The following CFAP57 variants were observed in gnomAD, a reference collection of about 807,000 sequenced individuals.
CFAP57 encodes cilia- and flagella-associated protein 57.
A neutral mutation model predicts 146.8 loss-of-function variants in CFAP57; 116 were observed. The observed-to-expected ratio is 0.79, with a 90% CI of 0.68 to 0.92. The LOEUF is 0.92. Among genes scored for constraint, CFAP57 ranks in the 40% least tolerant of loss-of-function variants. CFAP57 has a pLI of 0.00. For missense variants in CFAP57, 1,377 were observed against 1,527.2 expected, an observed-to-expected ratio of 0.90 and a Z score of 1.64; for synonymous variants, 518 against 552.8, an observed-to-expected ratio of 0.94 and a Z score of 0.88.
chr1:43,222,598 C>T (rs986923709), intron 15 of CFAP57, among the ~76,000 whole-genome samples: 2 of 152,098 alleles, frequency 1.3e-5, no homozygotes, highest in Non-Finnish European at 2.9e-5. Flanking sequence ...AGTGGTGGAG[C>T]ATGAGGCCTG....
chr1:43,245,167 G>A (rs927533955), intron 22 of CFAP57, among the ~76,000 whole-genome samples: 4 of 151,870 alleles, frequency 2.6e-5, no homozygotes, highest in African/African-American at 9.7e-5. Context: ...AAATCAGCCG[G>A]GCATGATGGC....
chr1:43,236,148 G>A (rs1356343983), intron 21 of CFAP57, among the ~76,000 whole-genome samples: 1 of 151,960 alleles, frequency 6.6e-6, no homozygotes, highest in Non-Finnish European at 1.5e-5. Flanking sequence ...ATGAAGTCCC[G>A]GGAAGAACAT....
intron 3 of CFAP57, 41 bp from the exon 4 acceptor site, chr1:43,183,550 G>A (rs773093616): frequency 1.3e-6 from 2 of 1,570,054 alleles, no homozygotes; most frequent in East Asian, 2.2e-5. Context: ...ATCAAGAATA[G>A]TTTCATAAAT....
intron 22 of CFAP57, among the ~76,000 whole-genome samples, chr1:43,244,015 G>A (rs1431342538): frequency 1.3e-5 from 2 of 152,154 alleles, no homozygotes; most frequent in African/African-American, 2.4e-5. Context: ...AGAAACAAAC[G>A]TTTCCCTGGC....
chr1:43,215,345 G>T lies in CFAP57; in HGVS notation c.2020G>T (p.Gly674Ter), dbSNP rs767245878. 2.6e-6 allele frequency: 4 copies of T among 1,551,240 alleles called. No individual in the cohort carries two copies. Among genetic ancestry groups the T allele is most frequent in the Non-Finnish European group, 3.5e-6 (4 of 1,147,122 alleles). Residue 674 changes from glycine to a stop codon, truncating the protein, a stop_gained, in exon 12 of 23, where the codon GGA becomes TGA. Transcript: ENST00000372492. LOFTEE classifies it high-confidence loss of function. The stretch of plus-strand genomic sequence containing the variant: ...GAAGGTCTTTGATAAGGATGGCCGG[G>T]GAATCAAGCGAGAGAGGGAGGTGGG... ...TWKVFDKDGRGIKREREVGFA... is the reference protein window; with the variant it reads ...TWKVFDKDGR
chr1:43,194,125 A>G (rs1482237104), intron 6 of CFAP57, among the ~76,000 whole-genome samples: 1 of 152,122 alleles, frequency 6.6e-6, no homozygotes, highest in Non-Finnish European at 1.5e-5. Flanking sequence ...GATTTCCTTT[A>G]GTATTTTCTG....
At chr1:43,183,377 T>C (rs1032895717) in intron 3 of CFAP57, among the ~76,000 whole-genome samples, 1 of 152,198 alleles carries the variant, frequency 6.6e-6, no homozygotes, top group African/African-American at 2.4e-5. Flanking sequence ...TTTGTAGATT[T>C]CCTAGTTTGA....
In CFAP57 at chr1:43,229,570, T is replaced by A. The variant is rs566090841; in HGVS notation, c.3009+2444T>A. On this transcript the variant is annotated intron_variant, in intron 18 of 22. Transcript: ENST00000372492. ...TCATTTGTAGAGCTGCAACTTCTAA[T>A]AACACTTCCTGATTCAGGTACCCGC... is the stretch of plus-strand genomic sequence containing the variant. Among the ~76,000 whole-genome samples, 10 of 148,846 alleles carry A rather than the reference T, an allele frequency of 6.7e-5. 2 individuals carry two copies. In the East Asian group the frequency reaches 2.1e-3, roughly 31 times the overall value.
chr1:43,230,851 C>T (rs1427647146), intron 18 of CFAP57, among the ~76,000 whole-genome samples: 1 of 152,194 alleles, frequency 6.6e-6, no homozygotes, highest in Non-Finnish European at 1.5e-5. Context: ...AGACCTGAGG[C>T]CTCTTGAAGG....
rs1204309067 is a variant in CFAP57, at chr1:43,222,940, G to C, written c.2649G>C (p.Arg883=). ...DIKTKYEKKL[R]DEKESNLRLK... ...AAACCAAGTATGAGAAAAAGCTTCG[G>C]GATGAAAAGGAATCAAACCTGCGGC... The change falls in exon 16 of 23, where the codon CGG becomes CGC. Residue 883 remains arginine, a synonymous_variant. Transcript: ENST00000372492. The C allele has an allele frequency of 6.4e-7, 1 of 1,550,512 alleles. No individual in the cohort carries two copies.
intron 22 of CFAP57, among the ~76,000 whole-genome samples, chr1:43,244,737 T>C (rs777820281): frequency 5.3e-5 from 8 of 151,870 alleles, no homozygotes; most frequent in Non-Finnish European, 1.2e-4. Context: ...ACCCCGTCTC[T>C]ACTAAAAATA....
rs921737096 is a variant in CFAP57 at position 43,232,722 on chromosome 1, G to C, written c.3126+98G>C. 5.2e-6 allele frequency: 4 copies of C among 771,112 alleles called. No homozygotes were observed. The African/African-American group carries it at 7.0e-5, about 14-fold the overall frequency. The allele number at this position is 771,112 out of a possible 1,614,324, so 47.8% of individuals were successfully genotyped here. ...CCAAGAGGCAGAGCCAGCCCACTGC[G>C]AGGATATGTTTCCCATTTTAACTCA... On this transcript the variant is annotated intron_variant, in intron 19 of 22. Coordinates refer to ENST00000372492, the MANE Select transcript of CFAP57 (RefSeq NM_001378189.1).
chr1:43,215,207 C>T (rs1357983631), intron 11 of CFAP57, 48 bp from the exon 12 acceptor site: 3 of 1,549,408 alleles, frequency 1.9e-6, no homozygotes, highest in Non-Finnish European at 1.7e-6. Context: ...CAGCCCTGGT[C>T]ATCTGTGGCC....
chr1:43,189,816 C>T (rs1643385368), intron 6 of CFAP57, among the ~76,000 whole-genome samples: 1 of 152,160 alleles, frequency 6.6e-6, no homozygotes, highest in South Asian at 2.1e-4. Context: ...GTAGTATGCA[C>T]ATCACATGGT....
At chr1:43,246,349 T>C (rs1449187683) in intron 22 of CFAP57, among the ~76,000 whole-genome samples, 2 of 152,120 alleles carry the variant, frequency 1.3e-5, no homozygotes, top group Non-Finnish European at 2.9e-5. Flanking sequence ...TGAAATAGAA[T>C]ATAGAGGCCA....
rs748599649 is a variant in CFAP57, at chr1:43,172,437, C to A, written c.-36C>A. The A allele has an allele frequency of 3.2e-6, 5 of 1,549,722 alleles. No individual in the cohort carries two copies. The highest frequency in any genetic ancestry group is 3.5e-6 in the Non-Finnish European group (4 of 1,145,988). On this transcript the variant is annotated 5_prime_UTR_variant, in exon 1 of 23. Coordinates refer to ENST00000372492, the MANE Select transcript of CFAP57 (RefSeq NM_001378189.1). ...CTGGATACATGCGTGGTCTGCTGACCCAGAGAGAAACGAAAGGTGGGAGGG... is the reference window on the plus strand; with the variant it reads ...CTGGATACATGCGTGGTCTGCTGACACAGAGAGAAACGAAAGGTGGGAGGG...
At chr1:43,245,359 G>A (rs1450807351) in intron 22 of CFAP57, among the ~76,000 whole-genome samples, 1 of 150,800 alleles carries the variant, frequency 6.6e-6, no homozygotes, top group African/African-American at 2.4e-5. Context: ...ATATGTCCAA[G>A]TATCCTAACA....
intron 17 of CFAP57, among the ~76,000 whole-genome samples, chr1:43,225,388 G>A (rs995130130): frequency 2.0e-5 from 3 of 152,202 alleles, no homozygotes; most frequent in Non-Finnish European, 4.4e-5. Context: ...AATCAACACC[G>A]CTGCTGTAGT....
chr1:43,179,339 C>T (rs586904), intron 2 of CFAP57, among the ~76,000 whole-genome samples: 26,580 of 151,950 alleles, frequency 0.17, 3,268 homozygotes, highest in African/African-American at 0.33. Flanking sequence ...GGAGGAGAGG[C>T]GAGGCATCAG....
Sources: gnomAD v4.1 joint callset for allele counts (sites outside exome capture counted in the v4.1 genomes callset) on GRCh38, gnomAD v4.1.1 for gene constraint, MANE v1.5 for transcripts, NCBI Gene and HGNC (gene_info 2026-07-23, HGNC 2026-07-21) for gene names.